Variants in HK1 observed in about 807,000 individuals in gnomAD.
The protein encoded by HK1 is hexokinase-1.
HK1 carries 28 observed loss-of-function variants against 91.6 expected under a neutral mutation model. That is an observed-to-expected ratio of 0.31 (90% CI 0.23 to 0.42). HK1 has a LOEUF of 0.42. HK1 is among the 10% of genes least tolerant of loss of function. The pLI is 1.00. For missense variants in HK1, 770 were observed against 1,219.8 expected (o/e 0.63, Z 5.49); for synonymous variants, 430 against 468.1 (o/e 0.92, Z 1.05).
intron 2 of HK1, 62 bp downstream of exon 2, chr10:69,344,051 A>G: frequency 1.3e-6 from 2 of 1,539,118 alleles, no homozygotes; most frequent in African/African-American, 1.4e-5. Flanking sequence ...TCTTCCTTCT[A>G]ACTTCATTTG....
intron 7 of HK1, among the ~76,000 whole-genome samples, chr10:69,372,174 AAGACTTG>A (rs1850042696): frequency 6.6e-6 from 1 of 152,182 alleles, no homozygotes; most frequent in Admixed American, 6.5e-5. Flanking sequence ...TTGCGTGGGA[AAGACTTG>A]CTTCCACGTT....
intron 8 of HK1, 126 bp downstream of exon 8, chr10:69,377,215 G>A (rs1009993327): frequency 1.0e-4 from 113 of 1,109,358 alleles, no homozygotes; most frequent in Middle Eastern, 2.1e-4. Context: ...TTCTGGGTCC[G>A]TGTCCTCTCA....
At chr10:69,300,207 A>G (rs761002455) in intron 4 of HK1, among the ~76,000 whole-genome samples, 3 of 151,700 alleles carry the variant, frequency 2.0e-5, no homozygotes, top group Non-Finnish European at 2.9e-5. Flanking sequence ...TTTCCAGTCA[A>G]TACTTCCCAT....
intron 3 of HK1, chr10:69,288,783 GTTTCTTTC>G: frequency 6.2e-7 from 1 of 1,611,756 alleles, no homozygotes; most frequent in Non-Finnish European, 8.5e-7. Flanking sequence ...AAGCTCTGGT[GTTTCTTTC>G]TTTCTTTCTT....
chr10:69,301,996 AGAACTTTGGGAGGCC>A (rs1334281138), intron 5 of HK1, among the ~76,000 whole-genome samples: 6 of 152,178 alleles, frequency 3.9e-5, no homozygotes, highest in Admixed American at 3.3e-4. Context: ...TTGTAATCCT[AGAACTTTGGGAGGCC>A]GAAACAGGTG....
chr10:69,296,909 G>T (rs1845591911), intron 4 of HK1, among the ~76,000 whole-genome samples: 1 of 152,126 alleles, frequency 6.6e-6, no homozygotes, highest in Non-Finnish European at 1.5e-5. Context: ...GGGCATCCAG[G>T]AAACCAGAGA....
At position 69,334,652 on chromosome 10, in the gene HK1, A is replaced by G. The variant is rs12254195; in HGVS notation, c.64-9175A>G. Among the ~76,000 whole-genome samples the G allele has an allele frequency of 2.8e-3, 429 of 152,214 alleles. 5 individuals are homozygous for G. Among genetic ancestry groups the G allele is most frequent in the African/African-American group, 9.9e-3 (413 of 41,528 alleles). Reference sequence around the variant, plus strand: ...TCCCGCCCAGCACAGGAGCCACCCAACCTGGCCCAGGAGCCACCACGTGGT... The same window carrying G: ...TCCCGCCCAGCACAGGAGCCACCCAGCCTGGCCCAGGAGCCACCACGTGGT... On this transcript the variant is annotated intron_variant, in intron 1 of 17. Coordinates refer to ENST00000359426, the MANE Select transcript of HK1 (RefSeq NM_000188.3).
intron 5 of HK1, among the ~76,000 whole-genome samples, chr10:69,304,160 T>C (rs4453112): frequency 0.54 from 82,123 of 151,968 alleles, 24,077 homozygotes; most frequent in Non-Finnish European, 0.68. Context: ...TCCTAAACCA[T>C]AATTTCTAAT....
At chr10:69,364,429 G>A (rs556777433) in intron 3 of HK1, among the ~76,000 whole-genome samples, 2 of 152,110 alleles carry the variant, frequency 1.3e-5, no homozygotes, top group South Asian at 4.2e-4. Context: ...GTGGCTGGTG[G>A]AGATCCGTGA....
intron 5 of HK1, among the ~76,000 whole-genome samples, chr10:69,302,686 G>A (rs1186237694): frequency 6.7e-6 from 1 of 149,592 alleles, no homozygotes; most frequent in African/African-American, 2.5e-5. Context: ...GCCCTGGAAG[G>A]TCAAGGCTGC....
chr10:69,306,614 A>G (rs1219241787), intron 5 of HK1, among the ~76,000 whole-genome samples: 3 of 152,228 alleles, frequency 2.0e-5, no homozygotes, highest in Non-Finnish European at 2.9e-5. Flanking sequence ...TAAGTAAAGT[A>G]AGCATAGAAT....
intron 1 of HK1, among the ~76,000 whole-genome samples, chr10:69,277,890 G>A (rs1189906922): frequency 1.3e-5 from 2 of 152,102 alleles, no homozygotes; most frequent in African/African-American, 4.8e-5. Context: ...AAACTTAGCT[G>A]GGCGTGGTGG....
At chr10:69,315,882 C>T, upstream of HK1, 1 of 1,461,154 alleles carries the variant, frequency 6.8e-7, no homozygotes. Flanking sequence ...CACAACCTGA[C>T]ACTGGGCAAG....
chr10:69,361,766 G>A (rs1849431142), intron 3 of HK1, among the ~76,000 whole-genome samples: 2 of 152,174 alleles, frequency 1.3e-5, no homozygotes. Context: ...AGCCTGAAAA[G>A]AGGATGATGA....
At chr10:69,312,409 G>C (rs115358519), upstream of HK1, among the ~76,000 whole-genome samples, 146 of 152,158 alleles carry the variant, frequency 9.6e-4, no homozygotes, top group African/African-American at 3.4e-3. Flanking sequence ...GCTAATGTTC[G>C]TGGTTTTAGG....
chr10:69,394,701 G>C (rs1163832019), intron 15 of HK1, among the ~76,000 whole-genome samples: 1 of 152,220 alleles, frequency 6.6e-6, no homozygotes, highest in African/African-American at 2.4e-5. Context: ...AGGCAGCTGA[G>C]GAGGGAGACC....
intron 1 of HK1, among the ~76,000 whole-genome samples, chr10:69,331,113 C>G (rs770940493): frequency 2.6e-5 from 4 of 152,166 alleles, no homozygotes; most frequent in Non-Finnish European, 5.9e-5. Context: ...CTCCTGGCCT[C>G]AAGTGATCTG....
upstream of HK1, among the ~76,000 whole-genome samples, chr10:69,311,537 G>C (rs1333915517): frequency 1.3e-5 from 2 of 152,162 alleles, no homozygotes; most frequent in East Asian, 3.9e-4. Context: ...TTTCATTTGG[G>C]GAAACCATTT....
rs994266453 is a variant in HK1 at position 69,384,663 on chromosome 10, A to G, written c.1720-133A>G. On this transcript the variant is annotated intron_variant, in intron 11 of 17. Transcript: ENST00000359426. ...ACTCTGGTGGCTGAGAAGATTCTGG[A>G]AAAGGAGGCTCACTCTGCATGTGTG... The G allele has an allele frequency of 2.8e-6, 4 of 1,437,592 alleles. No individual in the cohort carries two copies. In the African/African-American group the frequency reaches 5.6e-5, roughly 20 times the overall value. The allele number at this position is 1,437,592 out of a possible 1,614,324, so 89.1% of individuals were successfully genotyped here.
Sources: gnomAD v4.1 joint callset for allele counts (sites outside exome capture counted in the v4.1 genomes callset) on GRCh38, gnomAD v4.1.1 for gene constraint, MANE v1.5 for transcripts, NCBI Gene and HGNC (gene_info 2026-07-23, HGNC 2026-07-21) for gene names.